The following CCNB3 variants were observed in gnomAD, a reference collection of about 807,000 sequenced individuals.
CCNB3 encodes the protein cyclin B3, also known as G2/mitotic-specific cyclin-B3.
CCNB3 carries 12 observed loss-of-function variants against 68.0 expected under a neutral mutation model. The observed-to-expected ratio is 0.18, with a 90% CI of 0.11 to 0.29. CCNB3 has a LOEUF of 0.29. Among genes scored for constraint, CCNB3 ranks in the 10% least tolerant of loss-of-function variants. The pLI, the probability that CCNB3 is intolerant of heterozygous loss-of-function variation, is 1.00. For missense variants in CCNB3, 904 were observed against 993.1 expected, an observed-to-expected ratio of 0.91 and a Z score of 1.21; for synonymous variants, 354 against 388.9, an observed-to-expected ratio of 0.91 and a Z score of 1.06.
intron 1 of CCNB3, among the ~76,000 whole-genome samples, chrX:50,223,556 C>G (rs1040319061): frequency 0.034 from 3,814 of 110,785 alleles, 174 homozygotes; most frequent in African/African-American, 0.12. Context: ...TGCTGGAGTT[C>G]CACTCCAGAC....
At chrX:50,325,800 T>C (rs1444025960) in intron 8 of CCNB3, among the ~76,000 whole-genome samples, 1 of 112,100 alleles carries the variant, frequency 8.9e-6, no homozygotes, top group Non-Finnish European at 1.9e-5. Context: ...TGTGTGTGTG[T>C]ACATAATAAC....
Position 50,310,641 on chromosome X carries a change from A to G in CCNB3, c.2472A>G (p.Glu824=). 1 of 1,209,975 alleles carries G rather than the reference A, an allele frequency of 8.3e-7. No homozygotes were observed. Among genetic ancestry groups the G allele is most frequent in the Non-Finnish European group, 1.1e-6 (1 of 894,928 alleles). Residue 824 remains glutamate (E), a synonymous_variant, in exon 6 of 13, where the codon GAA becomes GAG. Coordinates refer to ENST00000376042, the MANE Select transcript of CCNB3 (RefSeq NM_033031.3). ...AVLKEPTIDT[E]AHFKEPLALQ... ...TCAAGGAGCCCACTATTGACACAGA[A>G]GCTCACTTTAAGGAACCTTTGGCCT...
Position 50,310,085 on chromosome X carries a change from C to T in CCNB3, c.1916C>T (p.Pro639Leu), listed in dbSNP as rs1557214429. The T allele has an allele frequency of 8.3e-7, 1 of 1,210,208 alleles. No homozygotes were observed. The highest frequency in any genetic ancestry group is 1.1e-6 in the Non-Finnish European group (1 of 894,258). Reference sequence around the variant, plus strand: ...GAAGAAAAGTTCCTCTCCCAGGAACCATCTGCATTGAAAGAGAAGCATACC... The same window carrying T: ...GAAGAAAAGTTCCTCTCCCAGGAACTATCTGCATTGAAAGAGAAGCATACC... The part of the protein sequence containing the change: ...TTEEKFLSQE[P>L]SALKEKHTTL... The change falls in exon 6 of 13, where the codon CCA becomes CTA. Residue 639 changes from proline (P) to leucine (L), a missense_variant. Coordinates refer to ENST00000376042, the MANE Select transcript of CCNB3 (RefSeq NM_033031.3).
chrX:50,341,948 A>ATTCT (rs1923166611), intron 8 of CCNB3: 2 of 313,012 alleles, frequency 6.4e-6, no homozygotes, highest in Admixed American at 1.1e-4. Context: ...CTCATAGAGA[A>ATTCT]GGCAGAGCAT....
intron 1 of CCNB3, among the ~76,000 whole-genome samples, chrX:50,227,060 T>C (rs1238250912): frequency 2.5e-5 from 2 of 79,860 alleles, no homozygotes; most frequent in Non-Finnish European, 4.4e-5. Flanking sequence ...ATATATAGAA[T>C]ATATATACAA....
intron 1 of CCNB3, among the ~76,000 whole-genome samples, chrX:50,227,746 T>C (rs1166952359): frequency 1.3e-5 from 1 of 75,775 alleles, no homozygotes; most frequent in South Asian, 5.9e-4. Flanking sequence ...TATAAATATG[T>C]ATAGAGAGAA....
intron 1 of CCNB3, among the ~76,000 whole-genome samples, chrX:50,214,698 CTT>C (rs1935541229): frequency 1.0e-5 from 1 of 98,929 alleles, no homozygotes; most frequent in Non-Finnish European, 2.0e-5. Flanking sequence ...AATATGTACA[CTT>C]ATTATATATA....
Position 50,351,737 on chromosome X carries a change from G to A in CCNB3, c.*34G>A, listed in dbSNP as rs781805137. 12 of 1,034,498 alleles carry A rather than the reference G, an allele frequency of 1.2e-5. No homozygotes were observed. The East Asian group carries it at 3.7e-4, about 32-fold the overall frequency. 85.3% of individuals were successfully genotyped at this position (1,034,498 alleles called of 1,213,427 possible). On this transcript the variant is annotated 3_prime_UTR_variant, in exon 13 of 13. Transcript: ENST00000376042. ...ACAGGGCTAAGCATGCATGTTAACA[G>A]GGTATATTTATTCTATGTTCGAATT...
At chrX:50,300,205 G>C (rs927435122) in intron 5 of CCNB3, among the ~76,000 whole-genome samples, 1 of 111,667 alleles carries the variant, frequency 9.0e-6, no homozygotes, top group Non-Finnish European at 1.9e-5. Flanking sequence ...TTGCTCATTA[G>C]TTGGTGCAGT....
chrX:50,297,389 C>A (rs1557211351), intron 5 of CCNB3, among the ~76,000 whole-genome samples: 1 of 111,710 alleles, frequency 9.0e-6, no homozygotes, highest in South Asian at 3.8e-4. Context: ...AATAGGGAAT[C>A]CTTTCCCCAT....
chrX:50,227,081 T>C (rs1472745197), intron 1 of CCNB3, among the ~76,000 whole-genome samples: 259 of 80,394 alleles, frequency 3.2e-3, no homozygotes, highest in Non-Finnish European at 4.5e-3. Flanking sequence ...ATATAAAGAA[T>C]ATATATAAAT....
rs782039469 is a variant in CCNB3 at position 50,309,441 on chromosome X, A to G, written c.1272A>G (p.Pro424=). The G allele has an allele frequency of 4.1e-6, 5 of 1,209,285 alleles. No homozygotes were observed. In the African/African-American group the frequency reaches 8.8e-5, roughly 21 times the overall value. The change falls in exon 6 of 13, where the codon CCA becomes CCG. Residue 424 remains proline (P), a synonymous_variant. Coordinates refer to ENST00000376042, the MANE Select transcript of CCNB3 (RefSeq NM_033031.3). ...IMKPLSIKEK[P]STEKESFSQE... ...AGCCATTGTCCATTAAAGAAAAGCC[A>G]TCTACTGAGAAGGAGTCCTTTTCCC...
chrX:50,213,972 C>T (rs1935522893), intron 1 of CCNB3, among the ~76,000 whole-genome samples: 1 of 111,237 alleles, frequency 9.0e-6, no homozygotes, highest in African/African-American at 3.3e-5. Flanking sequence ...CTCATTATTC[C>T]ATTACCATAA....
chrX:50,218,286 A>G (rs1418125759), intron 1 of CCNB3, among the ~76,000 whole-genome samples: 2 of 111,502 alleles, frequency 1.8e-5, no homozygotes, highest in African/African-American at 6.5e-5. Flanking sequence ...GAGTTCTCGT[A>G]CATTTTTTCT....
intron 8 of CCNB3, among the ~76,000 whole-genome samples, chrX:50,331,786 C>T (rs782326536): frequency 4.3e-4 from 48 of 111,732 alleles, no homozygotes; most frequent in Non-Finnish European, 2.4e-4. Context: ...TAAACTTCTC[C>T]TCGAACTAAG....
At position 50,334,409 on chromosome X, in the gene CCNB3, G is replaced by A. The variant is rs782186411; in HGVS notation, c.3517-7793G>A. Among the ~76,000 whole-genome samples, 4 of 112,853 alleles carry A rather than the reference G, an allele frequency of 3.5e-5. No homozygotes were observed. The South Asian group carries it at 1.1e-3, about 31-fold the overall frequency. On this transcript the variant is annotated intron_variant, in intron 8 of 12. Transcript: ENST00000376042. ...TACTTTGTTAATCTAGCATTTGTTA[G>A]CCAATGATGTCCTTTGGTTTTCATC...
intron 1 of CCNB3, among the ~76,000 whole-genome samples, chrX:50,215,516 G>A (rs1935558297): frequency 9.2e-6 from 1 of 108,490 alleles, no homozygotes; most frequent in Admixed American, 1.0e-4. Flanking sequence ...TCTGTTTGTT[G>A]CTGTTGTTGT....
rs1280659733 is a variant in CCNB3 at position 50,294,800 on chromosome X, TG to T, written c.205-61del. The stretch of plus-strand genomic sequence containing the variant: ...TGAGAGCCACCTTTTAGGTAATTTG[TG>T]GTTTTCTTCATTTTCTTGCCTCCTT... On this transcript the variant is annotated intron_variant, in intron 4 of 12. Transcript: ENST00000376042. 23 of 1,133,547 alleles carry T rather than the reference TG, an allele frequency of 2.0e-5. 2 individuals are homozygous for T. In the Admixed American group the frequency reaches 5.7e-4, roughly 28 times the overall value. The allele number at this position is 1,133,547 out of a possible 1,213,427, so 93.4% of individuals were successfully genotyped here. A position where few individuals can be genotyped will look rare whatever the true frequency, so the allele number is the denominator to read the frequency against.
At chrX:50,302,998 A>T (rs987396704) in intron 5 of CCNB3, among the ~76,000 whole-genome samples, 4 of 111,226 alleles carry the variant, frequency 3.6e-5, no homozygotes, top group African/African-American at 1.3e-4. Flanking sequence ...TTGCTGGGTC[A>T]TATGGTAATT....
Sources: allele counts gnomAD v4.1 joint callset (sites outside exome capture counted in the v4.1 genomes callset), GRCh38; gene constraint gnomAD v4.1.1; transcripts MANE v1.5; gene names NCBI Gene and HGNC (gene_info 2026-07-23, HGNC 2026-07-21).